RIMBP2: variants seen among roughly 807,000 people sequenced by gnomAD.
RIMBP2 encodes RIMS-binding protein 2.
Under a neutral mutation model 118.6 loss-of-function variants are expected in RIMBP2, and 48 were observed. That is an observed-to-expected ratio of 0.40 (90% CI 0.32 to 0.51). The LOEUF is 0.51. RIMBP2 is among the 20% of genes least tolerant of loss of function. The pLI, the probability that RIMBP2 is intolerant of heterozygous loss-of-function variation, is 0.41. For missense variants in RIMBP2, 1,551 were observed against 1,768.3 expected, an observed-to-expected ratio of 0.88 and a Z score of 2.20; for synonymous variants, 762 against 742.9, an observed-to-expected ratio of 1.03 and a Z score of -0.42.
chr12:130,646,967 G>A (rs1194177652), intron 1 of RIMBP2, among the ~76,000 whole-genome samples: 1 of 152,228 alleles, frequency 6.6e-6, no homozygotes, highest in East Asian at 1.9e-4. Flanking sequence ...CCCAGCCTTA[G>A]CCTACGCAAT....
intron 1 of RIMBP2, among the ~76,000 whole-genome samples, chr12:130,674,496 G>T (rs2064351436): frequency 6.6e-6 from 1 of 152,126 alleles, no homozygotes; most frequent in African/African-American, 2.4e-5. Flanking sequence ...GTGTGCACCT[G>T]GGCACCTGGG....
rs769276085 is a variant in RIMBP2, at chr12:130,414,226, G to A, written c.3319C>T (p.Arg1107Trp). The change falls in exon 18 of 23, where the codon CGG becomes TGG. Residue 1107 changes from arginine (R) to tryptophan (W), a missense_variant. By Grantham distance (101) the Arg-to-Trp change is moderately radical. Coordinates refer to ENST00000690449, the MANE Select transcript of RIMBP2 (RefSeq NM_001393629.1). ...TDPGAEELPA[R>W]IFVALFDYDP... Reference sequence around the variant, plus strand: ...TAGTCAAAGAGAGCCACAAAGATCCGGGCCGGGAGCTCTTCGGCACCAGGG... The same window carrying A: ...TAGTCAAAGAGAGCCACAAAGATCCAGGCCGGGAGCTCTTCGGCACCAGGG... The A allele has an allele frequency of 3.7e-6, 6 of 1,614,124 alleles. No homozygotes were observed. The highest frequency in any genetic ancestry group is 1.7e-5 in the Admixed American group (1 of 60,012).
chr12:130,672,151 G>A (rs1019741706), intron 1 of RIMBP2, among the ~76,000 whole-genome samples: 16 of 152,140 alleles, frequency 1.1e-4, no homozygotes, highest in East Asian at 1.9e-4. Flanking sequence ...ATCAATGCTC[G>A]GAGAATTCTA....
rs547232370 is a variant in RIMBP2 at position 130,434,668 on chromosome 12, C to A, written c.2253+66G>T. ...GGGGAAAGTGCCCATGTCTCTTGAT[C>A]TCCACGGGGCCCGCTCCGAGCCCGC... On this transcript the variant is annotated intron_variant, in intron 14 of 22. Transcript: ENST00000690449. This position sits in a 1 kb window ranked among gnomAD's most constrained non-coding sequence, Gnocchi z 5.7. The A allele has an allele frequency of 3.3e-6, 5 of 1,507,818 alleles. No individual in the cohort carries two copies. Among genetic ancestry groups the A allele is most frequent in the East Asian group, 4.8e-5 (2 of 41,904 alleles). The allele number at this position is 1,507,818 out of a possible 1,614,324, so 93.4% of individuals were successfully genotyped here.
intron 4 of RIMBP2, among the ~76,000 whole-genome samples, chr12:130,498,483 G>A (rs904821570): frequency 3.3e-5 from 5 of 152,212 alleles, no homozygotes; most frequent in African/African-American, 1.2e-4. Context: ...CAGACAAGAT[G>A]AGTGCGCTGA....
intron 4 of RIMBP2, among the ~76,000 whole-genome samples, chr12:130,499,542 C>T (rs925796632): frequency 9.2e-5 from 14 of 152,190 alleles, no homozygotes; most frequent in Non-Finnish European, 1.6e-4. Context: ...TCATCTCCCT[C>T]ATCTGACCTC....
chr12:130,443,817 A>G lies in RIMBP2; in HGVS notation c.692-1157T>C, dbSNP rs930475050. ...GGTGATGGTTATGAAGATGATTATA[A>G]TGCTGGTGGTGATGGTGATAGCTAC... On this transcript the variant is annotated intron_variant, in intron 10 of 22. Transcript: ENST00000690449. 3.3e-4 allele frequency among the ~76,000 whole-genome samples: 50 copies of G among 152,128 alleles called. 1 individual carries two copies. The highest frequency in any genetic ancestry group is 1.0e-3 in the African/African-American group (43 of 41,416).
chr12:130,438,458 G>A lies in RIMBP2; in HGVS notation c.1563C>T (p.Ile521=). The A allele has an allele frequency of 6.2e-7, 1 of 1,613,314 alleles. No homozygotes were observed. The highest frequency in any genetic ancestry group is 8.5e-7 in the Non-Finnish European group (1 of 1,179,690). ...TVQAGVTPAT[I]RVSWRPPVLT... Reference sequence around the variant, plus strand: ...GCACAGGTGGTCTCCAGGAGACCCGGATGGTGGCGGGGGTCACCCCAGCCT... The same window carrying A: ...GCACAGGTGGTCTCCAGGAGACCCGAATGGTGGCGGGGGTCACCCCAGCCT... The change falls in exon 12 of 23, where the codon ATC becomes ATT. Residue 521 remains isoleucine, a synonymous_variant. Transcript: ENST00000690449.
At chr12:130,575,354 T>C (rs187334636) in intron 2 of RIMBP2, among the ~76,000 whole-genome samples, 1 of 148,272 alleles carries the variant, frequency 6.7e-6, no homozygotes, top group Non-Finnish European at 1.5e-5. Flanking sequence ...ACTTGAGAGG[T>C]TGGGGGCTGT....
intron 3 of RIMBP2, among the ~76,000 whole-genome samples, chr12:130,510,430 C>A (rs1390881753): frequency 2.0e-5 from 3 of 151,830 alleles, no homozygotes; most frequent in African/African-American, 7.3e-5. Context: ...AGAGTCCAGA[C>A]AGAGTCCATG....
chr12:130,617,416 T>A lies in RIMBP2; in HGVS notation c.-217+10906A>T, dbSNP rs896585379. The stretch of plus-strand genomic sequence containing the variant: ...TCTCCCTTCACCAGACTCCATTTTT[T>A]TCCTAGCACACATTGCCCTGGGGCA... On this transcript the variant is annotated intron_variant, in intron 2 of 22. Transcript: ENST00000690449. The surrounding 1 kb of genome is among the most constrained non-coding windows in gnomAD (Gnocchi z 4.6). Among the ~76,000 whole-genome samples the A allele has an allele frequency of 3.3e-5, 5 of 152,256 alleles. No homozygotes were observed. Among genetic ancestry groups the A allele is most frequent in the African/African-American group, 1.2e-4 (5 of 41,476 alleles).
At chr12:130,565,831 T>G (rs1426493565) in intron 2 of RIMBP2, among the ~76,000 whole-genome samples, 1 of 152,222 alleles carries the variant, frequency 6.6e-6, no homozygotes, top group African/African-American at 2.4e-5. Flanking sequence ...TCAGGGCTGT[T>G]GCCACACAGC....
intron 2 of RIMBP2, among the ~76,000 whole-genome samples, chr12:130,610,219 G>A (rs937920796): frequency 1.3e-4 from 19 of 151,200 alleles, no homozygotes; most frequent in South Asian, 2.1e-4. Context: ...GGTCCCTCCC[G>A]TTCTGGGGGA....
chr12:130,465,715 G>A (rs576239881), intron 6 of RIMBP2: 1 of 152,342 alleles, frequency 6.6e-6, no homozygotes, highest in Admixed American at 6.5e-5. Context: ...CTGGGGTAAA[G>A]CGACTTCCTG....
At chr12:130,435,551 C>T (rs1240943338) in intron 13 of RIMBP2, among the ~76,000 whole-genome samples, 7 of 152,198 alleles carry the variant, frequency 4.6e-5, no homozygotes, top group Non-Finnish European at 1.0e-4. Context: ...GAGCCGCATC[C>T]CACAGGGCAG....
chr12:130,632,789 C>T (rs560058509), intron 1 of RIMBP2, among the ~76,000 whole-genome samples: 1 of 152,270 alleles, frequency 6.6e-6, no homozygotes, highest in South Asian at 2.1e-4. Flanking sequence ...CCCTAATGAG[C>T]CCATGTAAAA....
intron 2 of RIMBP2, among the ~76,000 whole-genome samples, chr12:130,530,452 A>G (rs1025862977): frequency 6.6e-6 from 1 of 151,748 alleles, no homozygotes; most frequent in Non-Finnish European, 1.5e-5. Flanking sequence ...TACTAAAAAT[A>G]TTTATACAAT....
intron 2 of RIMBP2, among the ~76,000 whole-genome samples, chr12:130,589,908 T>A (rs999390913): frequency 9.9e-5 from 15 of 152,022 alleles, no homozygotes; most frequent in African/African-American, 3.6e-4. Context: ...CCCAGCCACA[T>A]CCCAGAGCAG....
At chr12:130,502,798 C>T (rs540813259) in intron 4 of RIMBP2, among the ~76,000 whole-genome samples, 2 of 152,278 alleles carry the variant, frequency 1.3e-5, no homozygotes, top group East Asian at 3.9e-4. Flanking sequence ...ACATAGTGCT[C>T]AATCAATCCT....
Sources: gnomAD v4.1 joint callset for allele counts (sites outside exome capture counted in the v4.1 genomes callset) on GRCh38, gnomAD v4.1.1 for gene constraint, Gnocchi (gnomAD v3.1) non-coding constraint, MANE v1.5 for transcripts, NCBI Gene and HGNC (gene_info 2026-07-23, HGNC 2026-07-21) for gene names.